KCNIP4: variants seen among roughly 807,000 people sequenced by gnomAD.
KCNIP4 encodes potassium voltage-gated channel interacting protein 4.
Under a neutral mutation model 34.0 loss-of-function variants are expected in KCNIP4, and 12 were observed. The ratio of observed to expected loss-of-function variants is 0.35; its 90% confidence interval spans 0.23 to 0.57. The LOEUF (loss-of-function observed/expected upper bound fraction) is 0.57, where lower values mean the gene tolerates loss of function less well. KCNIP4 is among the 20% of genes least tolerant of loss of function. KCNIP4 has a pLI of 0.83. For synonymous variants in KCNIP4, 124 were observed against 102.2 expected (o/e 1.21, Z -1.29); for missense variants, 238 against 311.7 (o/e 0.76, Z 1.78).
rs556461791 is a variant in KCNIP4 at position 20,743,185 on chromosome 4, A to G, written c.429+6477T>C. ...AAGAATCCATATCGTGAACATGGCC[A>G]TACTGCCCAAGGTGTAATTTATAGA... On this transcript the variant is annotated intron_variant, in intron 5 of 8. Coordinates refer to ENST00000382152, the MANE Select transcript of KCNIP4 (RefSeq NM_025221.6). Among the ~76,000 whole-genome samples, 7 of 152,294 alleles carry G rather than the reference A, an allele frequency of 4.6e-5. No homozygotes were observed. The South Asian group carries it at 1.2e-3, about 27-fold the overall frequency.
intron 1 of KCNIP4, among the ~76,000 whole-genome samples, chr4:21,592,171 A>G (rs1314084933): frequency 6.6e-6 from 1 of 152,138 alleles, no homozygotes; most frequent in Non-Finnish European, 1.5e-5. Flanking sequence ...ATGCCAAGAA[A>G]AAGGAAGGGA....
chr4:21,872,853 C>A (rs923348822), intron 1 of KCNIP4, among the ~76,000 whole-genome samples: 6 of 152,158 alleles, frequency 3.9e-5, no homozygotes, highest in African/African-American at 1.4e-4. Context: ...TTAACTTTTT[C>A]TATGAAGCCA....
At chr4:20,857,525 C>A (rs987580557) in intron 2 of KCNIP4, among the ~76,000 whole-genome samples, 31 of 144,702 alleles carry the variant, frequency 2.1e-4, no homozygotes, top group African/African-American at 7.0e-4. Flanking sequence ...AAGAAATTCA[C>A]AACCAGAAGT....
chr4:21,592,094 C>T (rs1017890176), intron 1 of KCNIP4, among the ~76,000 whole-genome samples: 1 of 151,898 alleles, frequency 6.6e-6, no homozygotes, highest in African/African-American at 2.4e-5. Context: ...TTCTGGATGA[C>T]AAAATCAGGG....
chr4:21,376,161 T>C (rs1424679477), intron 1 of KCNIP4, among the ~76,000 whole-genome samples: 1 of 152,228 alleles, frequency 6.6e-6, no homozygotes, highest in African/African-American at 2.4e-5. Context: ...TTTCTTCTTT[T>C]GAAACCTCTG....
chr4:21,620,293 A>G (rs1744913381), intron 1 of KCNIP4, among the ~76,000 whole-genome samples: 1 of 152,158 alleles, frequency 6.6e-6, no homozygotes, highest in Non-Finnish European at 1.5e-5. Context: ...ACTTGAGTCC[A>G]GAGTGTGAGA....
intron 1 of KCNIP4, among the ~76,000 whole-genome samples, chr4:21,934,351 A>G (rs2109012035): frequency 6.6e-6 from 1 of 151,982 alleles, no homozygotes; most frequent in East Asian, 1.9e-4. Flanking sequence ...GGTTACTTTC[A>G]TTGCCATCCA....
chr4:20,819,906 C>G (rs985454085), intron 3 of KCNIP4, among the ~76,000 whole-genome samples: 2 of 152,172 alleles, frequency 1.3e-5, no homozygotes, highest in African/African-American at 4.8e-5. Flanking sequence ...TTGCCAGCCT[C>G]CAGAACTGTG....
chr4:21,120,484 GT>G (rs1430480466), intron 1 of KCNIP4, among the ~76,000 whole-genome samples: 1 of 152,200 alleles, frequency 6.6e-6, no homozygotes, highest in Non-Finnish European at 1.5e-5. Flanking sequence ...AAGGAAAGAG[GT>G]TTATTTGACT....
intron 1 of KCNIP4, among the ~76,000 whole-genome samples, chr4:21,743,203 C>T (rs1332622530): frequency 1.3e-5 from 2 of 152,042 alleles, no homozygotes; most frequent in African/African-American, 2.4e-5. Flanking sequence ...AGTACAAAAT[C>T]GGTCTAATTG....
At chr4:20,956,605 T>C in intron 1 of KCNIP4, among the ~76,000 whole-genome samples, 1 of 152,154 alleles carries the variant, frequency 6.6e-6, no homozygotes, top group East Asian at 1.9e-4. Flanking sequence ...ATGTACTCAC[T>C]GCAGAAGAAT....
chr4:21,424,017 C>T (rs1725726735), intron 1 of KCNIP4, among the ~76,000 whole-genome samples: 1 of 149,778 alleles, frequency 6.7e-6, no homozygotes, highest in Non-Finnish European at 1.5e-5. Flanking sequence ...GACTGGGTTT[C>T]ACCATGTTGG....
At chr4:21,798,657 T>G (rs1477744582) in intron 1 of KCNIP4, among the ~76,000 whole-genome samples, 2 of 151,784 alleles carry the variant, frequency 1.3e-5, no homozygotes, top group East Asian at 1.9e-4. Context: ...AAAAATAAGC[T>G]GTTAAGCTTT....
At chr4:20,986,247 C>T (rs1392390159) in intron 1 of KCNIP4, among the ~76,000 whole-genome samples, 1 of 152,070 alleles carries the variant, frequency 6.6e-6, no homozygotes, top group East Asian at 1.9e-4. Context: ...GGTTTCTTTC[C>T]CTTGAGTCCT....
Position 20,860,718 on chromosome 4 carries a change from T to C in KCNIP4, c.164-10051A>G, listed in dbSNP as rs115865698. The stretch of plus-strand genomic sequence containing the variant: ...ATGATCACTTTCTAATGATATCTTA[T>C]GTATTATTAAATATTTAGAAGCTTG... On this transcript the variant is annotated intron_variant, in intron 2 of 8. Transcript: ENST00000382152. Among the ~76,000 whole-genome samples, 1,492 of 152,296 alleles carry C rather than the reference T, an allele frequency of 9.8e-3. 29 individuals carry two copies. The highest frequency in any genetic ancestry group is 0.034 in the African/African-American group (1,414 of 41,566).
intron 1 of KCNIP4, among the ~76,000 whole-genome samples, chr4:21,824,980 T>C (rs998679587): frequency 2.6e-5 from 4 of 152,114 alleles, no homozygotes; most frequent in Non-Finnish European, 5.9e-5. Context: ...ACTATTATTA[T>C]AGGTGTTTTG....
chr4:21,401,752 C>A (rs949338862), intron 1 of KCNIP4, among the ~76,000 whole-genome samples: 1 of 152,132 alleles, frequency 6.6e-6, no homozygotes, highest in Non-Finnish European at 1.5e-5. Flanking sequence ...CCTATACTTA[C>A]GTTGTGAGCC....
chr4:21,479,701 C>T (rs79092538), intron 1 of KCNIP4, among the ~76,000 whole-genome samples: 3,336 of 151,932 alleles, frequency 0.022, 120 homozygotes, highest in East Asian at 0.12. Context: ...TAGTTTCACA[C>T]GTATTCTTAG....
At chr4:21,167,760 G>A (rs1158589503) in intron 1 of KCNIP4, among the ~76,000 whole-genome samples, 2 of 152,132 alleles carry the variant, frequency 1.3e-5, no homozygotes, top group African/African-American at 4.8e-5. Flanking sequence ...AAAAATGAAA[G>A]TCCTCCTGCT....
Sources: allele counts gnomAD v4.1 joint callset (sites outside exome capture counted in the v4.1 genomes callset), GRCh38; gene constraint gnomAD v4.1.1; transcripts MANE v1.5; gene names NCBI Gene and HGNC (gene_info 2026-07-23, HGNC 2026-07-21).